DCLK1: variants seen among roughly 807,000 people sequenced by gnomAD.
DCLK1 encodes the protein doublecortin like kinase 1.
Under a neutral mutation model 86.2 loss-of-function variants are expected in DCLK1, and 16 were observed. The ratio of observed to expected loss-of-function variants is 0.19; its 90% CI spans 0.13 to 0.28. DCLK1 has a LOEUF of 0.28. Ranked by LOEUF, DCLK1 falls within the 10% of genes least tolerant of loss-of-function variation. DCLK1 has a pLI of 1.00. For synonymous variants in DCLK1, 369 were observed against 370.5 expected (o/e 1.00, Z 0.05); for missense variants, 590 against 940.2 (o/e 0.63, Z 4.87).
chr13:35,868,539 A>T (rs1872022588), intron 5 of DCLK1, among the ~76,000 whole-genome samples: 1 of 152,154 alleles, frequency 6.6e-6, no homozygotes, highest in Non-Finnish European at 1.5e-5. Context: ...ATTTAAGTCA[A>T]AGTTGGTTTG....
At chr13:36,118,454 TG>T (rs1282938147) in intron 2 of DCLK1, among the ~76,000 whole-genome samples, 1 of 152,134 alleles carries the variant, frequency 6.6e-6, no homozygotes, top group Non-Finnish European at 1.5e-5. Flanking sequence ...AAATTCTCTT[TG>T]GGCCTACTTC....
chr13:36,026,574 C>A (rs1375954979), intron 3 of DCLK1, among the ~76,000 whole-genome samples: 3 of 152,100 alleles, frequency 2.0e-5, no homozygotes, highest in African/African-American at 4.8e-5. Context: ...ATTTGAAATA[C>A]ATTTTATGGT....
intron 4 of DCLK1, among the ~76,000 whole-genome samples, chr13:35,899,160 A>G (rs1410868423): frequency 2.0e-5 from 3 of 152,196 alleles, no homozygotes; most frequent in Non-Finnish European, 4.4e-5. Flanking sequence ...TCTTTTCCCA[A>G]ACAAGAACAA....
intron 3 of DCLK1, among the ~76,000 whole-genome samples, chr13:35,987,388 C>T (rs1366172889): frequency 1.3e-5 from 2 of 152,204 alleles, no homozygotes; most frequent in African/African-American, 4.8e-5. Context: ...CTTCTGTAGA[C>T]AGCCTTAGTG....
intron 6 of DCLK1, chr13:35,846,993 C>A (rs970446215): frequency 2.0e-6 from 2 of 985,068 alleles, no homozygotes; most frequent in African/African-American, 3.5e-5. Context: ...TATGTTCCAA[C>A]ATTATACTTG....
At chr13:35,841,822 A>T (rs1368993930) in intron 6 of DCLK1, among the ~76,000 whole-genome samples, 1 of 152,210 alleles carries the variant, frequency 6.6e-6, no homozygotes, top group East Asian at 1.9e-4. Flanking sequence ...AAGATAGTTA[A>T]TACTAAATAC....
intron 2 of DCLK1, among the ~76,000 whole-genome samples, chr13:36,115,916 G>C (rs900870555): frequency 6.7e-6 from 1 of 149,366 alleles, no homozygotes; most frequent in South Asian, 2.2e-4. Flanking sequence ...GAGTTCCTGT[G>C]TAAAAAATCA....
chr13:36,002,357 TCG>T, intron 3 of DCLK1, among the ~76,000 whole-genome samples: 1 of 152,320 alleles, frequency 6.6e-6, no homozygotes, highest in South Asian at 2.1e-4. Context: ...CAACCAATAT[TCG>T]CTAGAATAAT....
intron 3 of DCLK1, among the ~76,000 whole-genome samples, chr13:35,960,307 T>C (rs1302314738): frequency 6.6e-6 from 1 of 152,182 alleles, no homozygotes; most frequent in African/African-American, 2.4e-5. Flanking sequence ...ATTTTCCTTC[T>C]GGCCACATCT....
chr13:35,885,416 A>G (rs1873169766), intron 4 of DCLK1, among the ~76,000 whole-genome samples: 1 of 152,250 alleles, frequency 6.6e-6, no homozygotes, highest in Admixed American at 6.5e-5. Flanking sequence ...AAGGCCGGGA[A>G]CAAAACATTC....
chr13:36,080,706 T>C (rs1265219631), intron 3 of DCLK1, among the ~76,000 whole-genome samples: 1 of 152,220 alleles, frequency 6.6e-6, no homozygotes, highest in Non-Finnish European at 1.5e-5. Context: ...CAATATAATG[T>C]TTCCAGTCAG....
chr13:36,043,826 C>T (rs1292572184), intron 3 of DCLK1, among the ~76,000 whole-genome samples: 1 of 152,152 alleles, frequency 6.6e-6, no homozygotes, highest in Non-Finnish European at 1.5e-5. Context: ...AACAAGTTCT[C>T]ACAATTTTTA....
intron 4 of DCLK1, among the ~76,000 whole-genome samples, chr13:35,883,420 T>C (rs1413516596): frequency 6.6e-6 from 1 of 152,158 alleles, no homozygotes; most frequent in African/African-American, 2.4e-5. Flanking sequence ...CCTCTCTCCA[T>C]GTGATCTCTG....
intron 3 of DCLK1, among the ~76,000 whole-genome samples, chr13:36,047,912 C>T (rs12428490): frequency 0.19 from 28,186 of 151,990 alleles, 2,955 homozygotes; most frequent in East Asian, 0.46. Flanking sequence ...GAGCTAGGAT[C>T]GCACCACTGA....
chr13:35,859,697 G>A (rs1871274690), intron 5 of DCLK1, among the ~76,000 whole-genome samples: 1 of 151,964 alleles, frequency 6.6e-6, no homozygotes, highest in South Asian at 2.1e-4. Context: ...ACGAGTCCAG[G>A]GCCCTAGATA....
chr13:35,825,265 G>A (rs557657842), intron 10 of DCLK1, among the ~76,000 whole-genome samples: 25 of 152,244 alleles, frequency 1.6e-4, no homozygotes, highest in African/African-American at 5.5e-4. Context: ...GTCAAGCCTG[G>A]GGCTGGCCTT....
chr13:35,821,659 T>A (rs2087395657), intron 11 of DCLK1, among the ~76,000 whole-genome samples: 1 of 113,116 alleles, frequency 8.8e-6, no homozygotes, highest in Non-Finnish European at 1.6e-5. Flanking sequence ...AAAAGATATA[T>A]ATATAAATAT....
At chr13:35,846,294 TA>T (rs1211400694) in intron 6 of DCLK1, 1 of 985,150 alleles carries the variant, frequency 1.0e-6, no homozygotes, top group East Asian at 1.1e-4. Context: ...TTAGAAAAAA[TA>T]AACTCAATTC....
intron 3 of DCLK1, among the ~76,000 whole-genome samples, chr13:36,100,532 C>T (rs1011594217): frequency 2.2e-4 from 34 of 152,282 alleles, no homozygotes; most frequent in East Asian, 1.5e-3. Context: ...ACGACAGAAA[C>T]GAACCTTTTA....
Sources: gnomAD v4.1 joint callset for allele counts (sites outside exome capture counted in the v4.1 genomes callset) on GRCh38, gnomAD v4.1.1 for gene constraint, MANE v1.5 for transcripts, NCBI Gene and HGNC (gene_info 2026-07-23, HGNC 2026-07-21) for gene names.